The following GRK2 variants were observed in gnomAD, a reference collection of about 807,000 sequenced individuals.
GRK2 encodes the protein adrenergic beta receptor kinase 1.
A neutral mutation model predicts 97.8 loss-of-function variants in GRK2; 23 were observed. The observed-to-expected ratio is 0.24, with a 90% CI of 0.17 to 0.33. GRK2 has a LOEUF of 0.33. GRK2 is among the 10% of genes least tolerant of loss of function. The pLI is 1.00. For missense variants in GRK2, 633 were observed against 956.9 expected (o/e 0.66, Z 4.47); for synonymous variants, 425 against 381.7 (o/e 1.11, Z -1.32).
intron 1 of GRK2, among the ~76,000 whole-genome samples, chr11:67,272,338 A>C (rs960138187): frequency 6.6e-6 from 1 of 152,084 alleles, no homozygotes; most frequent in Non-Finnish European, 1.5e-5. Context: ...CTTTGCCACG[A>C]ACTCATTGTG....
intron 2 of GRK2, 87 bp from the exon 3 acceptor site, chr11:67,279,113 C>T: frequency 1.7e-6 from 2 of 1,185,102 alleles, no homozygotes; most frequent in Non-Finnish European, 2.5e-6. Flanking sequence ...GCCAGTTCTG[C>T]CCAGGGAGCC....
chr11:67,268,948 C>G (rs1187071171), intron 1 of GRK2, among the ~76,000 whole-genome samples: 1 of 152,184 alleles, frequency 6.6e-6, no homozygotes, highest in Non-Finnish European at 1.5e-5. Flanking sequence ...AGCAGGAGGC[C>G]GAGCCAGGCA....
chr11:67,273,945 G>T (rs1399154130), intron 1 of GRK2, among the ~76,000 whole-genome samples: 1 of 150,894 alleles, frequency 6.6e-6, no homozygotes, highest in East Asian at 2.0e-4. Context: ...TGTGTGTCCA[G>T]TTGAAAAGTG....
chr11:67,282,171 C>A lies in GRK2; in HGVS notation c.958-100C>A. On this transcript the variant is annotated intron_variant, in intron 11 of 20. Transcript: ENST00000308595. The surrounding 1 kb of genome is among the most constrained non-coding windows in gnomAD (Gnocchi z 6.9). ...CCCACCTTTGCCCTTTCTTTGGGTACCCATCGTCCTCTCCAGTGAAGCAGT... is the reference window on the plus strand; with the variant it reads ...CCCACCTTTGCCCTTTCTTTGGGTAACCATCGTCCTCTCCAGTGAAGCAGT... The A allele has an allele frequency of 7.7e-7, 1 of 1,296,426 alleles. No homozygotes were observed. Among genetic ancestry groups the A allele is most frequent in the Non-Finnish European group, 1.1e-6 (1 of 915,744 alleles). The allele number at this position is 1,296,426 out of a possible 1,614,324, so 80.3% of individuals were successfully genotyped here.
Position 67,279,718 on chromosome 11 carries a change from C to T in GRK2, c.441+18C>T, listed in dbSNP as rs1860109206. ...TCTTCCAGGTGTGTGCCTCCCGGTC[C>T]CTCCCCAGGCAAGGTCACCTTGGAC... On this transcript the variant is annotated intron_variant, in intron 5 of 20. Transcript: ENST00000308595. 5 of 1,613,570 alleles carry T rather than the reference C, an allele frequency of 3.1e-6. No homozygotes were observed. Among genetic ancestry groups the T allele is most frequent in the African/African-American group, 1.3e-5 (1 of 74,902 alleles).
At chr11:67,284,146 T>G in intron 17 of GRK2, 65 bp from the exon 18 acceptor site, 1 of 1,596,822 alleles carries the variant, frequency 6.3e-7, no homozygotes, top group South Asian at 1.1e-5. Context: ...CTGGGCAGCC[T>G]GTGGCTGATG....
In GRK2 at chr11:67,282,730, G is replaced by C; in HGVS notation, c.1161-22G>C. 2 of 1,610,794 alleles carry C rather than the reference G, an allele frequency of 1.2e-6. No individual in the cohort carries two copies. The highest frequency in any genetic ancestry group is 2.2e-5 in the South Asian group (2 of 90,814). On this transcript the variant is annotated intron_variant, in intron 13 of 20. Coordinates refer to ENST00000308595, the MANE Select transcript of GRK2 (RefSeq NM_001619.5). The surrounding 1 kb of genome is among the most constrained non-coding windows in gnomAD (Gnocchi z 6.9). The stretch of plus-strand genomic sequence containing the variant: ...TCCCCATTCCTGTCCTTTGACATTG[G>C]TTTTTGGCCTTTCTTGCCCAGGCAC...
rs55696045 is a variant in GRK2, at chr11:67,280,779, T to C, written c.551T>C (p.Ile184Thr). The change falls in exon 7 of 21, where the codon ATC becomes ACC. Residue 184 changes from isoleucine to threonine, a missense_variant. By Grantham distance (89) the Ile-to-Thr change is moderately conservative (BLOSUM62 -1). Transcript: ENST00000308595. ...FCQWKNVELN[I>T]HLTMNDFSVH... is the part of the protein sequence containing the mutation. The stretch of plus-strand genomic sequence containing the variant: ...CAGTGGAAGAATGTGGAGCTCAACA[T>C]CCACGTGAGTGGGCTTGGGTGGGGC... The C allele has an allele frequency of 8.6e-5, 139 of 1,614,014 alleles. 1 individual carries two copies. In the East Asian group the frequency reaches 2.0e-3, roughly 23 times the overall value.
chr11:67,279,414 CCAGAT>C lies in GRK2; in HGVS notation c.265-1_268del. 1 of 1,612,994 alleles carries C rather than the reference CCAGAT, an allele frequency of 6.2e-7. No individual in the cohort carries two copies. On this transcript the variant is annotated splice_acceptor_variant and splice_polypyrimidine_tract_variant and coding_sequence_variant and intron_variant, in exon 4 of 21. Coordinates refer to ENST00000308595, the MANE Select transcript of GRK2 (RefSeq NM_001619.5). LOFTEE classifies it high-confidence loss of function. ...AGATGACCTGCAGGAATCCTGTCCT[CCAGAT>C]CAAGAAGTACGAGAAGCTGGAGACG...
Position 67,285,118 on chromosome 11 carries a change from C to T in GRK2, c.1835C>T (p.Thr612Met), listed in dbSNP as rs374955195. The T allele has an allele frequency of 8.7e-6, 14 of 1,613,442 alleles. No homozygotes were observed. Among genetic ancestry groups the T allele is most frequent in the African/African-American group, 4.0e-5 (3 of 74,920 alleles). The change falls in exon 20 of 21, where the codon ACG (threonine) becomes ATG (methionine). Residue 612 changes from threonine to methionine, a missense_variant. By Grantham distance (81) the Thr-to-Met change is moderately conservative. Coordinates refer to ENST00000308595, the MANE Select transcript of GRK2 (RefSeq NM_001619.5). ...TMEEIQSVEE[T>M]QIKERKCLLL... is the part of the protein sequence containing the mutation. ...GAGGAGATCCAGTCGGTGGAGGAGACGCAGATCAAGGAGCGCAAGTGCCTG... is the reference window on the plus strand; with the variant it reads ...GAGGAGATCCAGTCGGTGGAGGAGATGCAGATCAAGGAGCGCAAGTGCCTG...
In GRK2 at chr11:67,281,700, G is replaced by A. The variant is rs947074070; in HGVS notation, c.798G>A (p.Lys266=). 31 of 1,574,310 alleles carry A rather than the reference G, an allele frequency of 2.0e-5. No homozygotes were observed. The highest frequency in any genetic ancestry group is 2.6e-5 in the Non-Finnish European group (30 of 1,155,430). Residue 266 remains lysine (K), a synonymous_variant, in exon 10 of 21, where the codon AAG becomes AAA. Transcript: ENST00000308595. This position sits in a 1 kb window ranked among gnomAD's most constrained non-coding sequence, Gnocchi z 5.7. ...CMSYAFHTPD[K]LSFILDLMNG... ...CATACGCGTTCCACACGCCAGACAA[G>A]CTCAGCTTCATCCTGGACCTCATGA...
Position 67,281,871 on chromosome 11 carries a change from T to G in GRK2, c.876T>G (p.Ala292=). ...CCCAGCACGGGGTCTTCTCAGAGGC[T>G]GACATGCGCTTCTATGCGGCCGAGA... ...HLSQHGVFSE[A]DMRFYAAEII... is the part of the protein sequence containing the mutation. The change falls in exon 11 of 21, where the codon GCT becomes GCG. Residue 292 remains alanine (A), a synonymous_variant. Coordinates refer to ENST00000308595, the MANE Select transcript of GRK2 (RefSeq NM_001619.5). This position sits in a 1 kb window ranked among gnomAD's most constrained non-coding sequence, Gnocchi z 5.7. The G allele has an allele frequency of 6.2e-7, 1 of 1,613,682 alleles. No homozygotes were observed. The highest frequency in any genetic ancestry group is 8.5e-7 in the Non-Finnish European group (1 of 1,179,976).
chr11:67,281,631 C>T lies in GRK2; in HGVS notation c.748-19C>T, dbSNP rs1860153567. ...GCCCCTGCTAACTGCCCGCCCCCTC[C>T]CCTCCTCTCCCCTCCTAGGACTGCC... On this transcript the variant is annotated intron_variant, in intron 9 of 20. Coordinates refer to ENST00000308595, the MANE Select transcript of GRK2 (RefSeq NM_001619.5). The surrounding 1 kb of genome is among the most constrained non-coding windows in gnomAD (Gnocchi z 5.7). 8 of 1,597,518 alleles carry T rather than the reference C, an allele frequency of 5.0e-6. No homozygotes were observed. The highest frequency in any genetic ancestry group is 1.7e-4 in the Middle Eastern group (1 of 6,014).
intron 7 of GRK2, 72 bp downstream of exon 7, chr11:67,280,855 C>T: frequency 6.4e-7 from 1 of 1,567,840 alleles, no homozygotes; most frequent in South Asian, 1.1e-5. Flanking sequence ...GGGCCTGTGG[C>T]TTGGCTGGGA....
chr11:67,274,061 GGAGTGCAGTGGC>G (rs1176774565), intron 1 of GRK2, among the ~76,000 whole-genome samples: 2 of 143,800 alleles, frequency 1.4e-5, no homozygotes, highest in African/African-American at 5.2e-5. Flanking sequence ...CACCCAGGCT[GGAGTGCAGTGGC>G]ACGATTTTGG....
At position 67,282,252 on chromosome 11, in the gene GRK2, C is replaced by G. The variant is rs1860168675; in HGVS notation, c.958-19C>G. On this transcript the variant is annotated intron_variant, in intron 11 of 20. Transcript: ENST00000308595. The surrounding 1 kb of genome is among the most constrained non-coding windows in gnomAD (Gnocchi z 6.9). ...CCATCCTGAGCTGCCCCAGGCAGCT[C>G]ACTGGGCTTCCTTCACAGCCAGCCA... The G allele has an allele frequency of 1.2e-6, 2 of 1,611,754 alleles. No individual in the cohort carries two copies. Among genetic ancestry groups the G allele is most frequent in the Admixed American group, 1.7e-5 (1 of 60,000 alleles).
At position 67,276,264 on chromosome 11, in the gene GRK2, TGAG is replaced by T. The variant is rs1860026742; in HGVS notation, c.114-1005_114-1003del. Among the ~76,000 whole-genome samples the T allele has an allele frequency of 6.6e-6, 1 of 152,110 alleles. No individual in the cohort carries two copies. Among genetic ancestry groups the T allele is most frequent in the Non-Finnish European group, 1.5e-5 (1 of 68,004 alleles). On this transcript the variant is annotated intron_variant, in intron 1 of 20. Coordinates refer to ENST00000308595, the MANE Select transcript of GRK2 (RefSeq NM_001619.5). The surrounding 1 kb of genome is among the most constrained non-coding windows in gnomAD (Gnocchi z 4.2). ...ACGTTACCCCAGGAGCCCAGACTAG[TGAG>T]GACCAGATGCAGGCCTCAGCTGGCT...
chr11:67,272,191 C>T (rs552774921), intron 1 of GRK2, among the ~76,000 whole-genome samples: 3 of 152,276 alleles, frequency 2.0e-5, no homozygotes, highest in South Asian at 2.1e-4. Flanking sequence ...TGGTCAGGGA[C>T]GGGAGGGCAG....
In GRK2 at chr11:67,286,217, C is replaced by G; in HGVS notation, c.*767C>G. The G allele has an allele frequency of 1.8e-6, 1 of 561,470 alleles. No homozygotes were observed. Among genetic ancestry groups the G allele is most frequent in the Non-Finnish European group, 3.1e-6 (1 of 319,116 alleles). 34.8% of individuals were successfully genotyped at this position (561,470 alleles called of 1,614,324 possible). Reference sequence around the variant, plus strand: ...GATGCTGGGCTGGGTGCGACCCCATCTGCCCAGGACGGGGCCGGCCAGGTG... The same window carrying G: ...GATGCTGGGCTGGGTGCGACCCCATGTGCCCAGGACGGGGCCGGCCAGGTG... On this transcript the variant is annotated 3_prime_UTR_variant, in exon 21 of 21. Transcript: ENST00000308595.
Sources: allele counts gnomAD v4.1 joint callset (sites outside exome capture counted in the v4.1 genomes callset), GRCh38; gene constraint gnomAD v4.1.1; non-coding constraint Gnocchi (gnomAD v3.1); transcripts MANE v1.5; gene names NCBI Gene and HGNC (gene_info 2026-07-23, HGNC 2026-07-21).